Variants in CCDC171 observed in about 807,000 individuals in gnomAD.
CCDC171 encodes coiled-coil domain containing 171.
CCDC171 carries 177 observed loss-of-function variants against 168.2 expected under a neutral mutation model. The ratio of observed to expected loss-of-function variants is 1.05; its 90% confidence interval spans 0.93 to 1.19. The LOEUF is 1.19. Among genes scored for constraint, CCDC171 ranks in the 50% most tolerant of loss-of-function variants. The pLI is 0.00. For missense variants in CCDC171, 1,991 were observed against 1,539.0 expected, an observed-to-expected ratio of 1.29 and a Z score of -4.91; for synonymous variants, 687 against 540.8, an observed-to-expected ratio of 1.27 and a Z score of -3.75.
chr9:15,841,798 C>T (rs1011164060), intron 21 of CCDC171, among the ~76,000 whole-genome samples: 1 of 151,798 alleles, frequency 6.6e-6, no homozygotes, highest in Non-Finnish European at 1.5e-5. Flanking sequence ...TCATTCCTAA[C>T]TTGCTTACCC....
intron 24 of CCDC171, among the ~76,000 whole-genome samples, chr9:15,902,078 G>A (rs1396052992): frequency 6.6e-6 from 1 of 152,062 alleles, no homozygotes; most frequent in African/African-American, 2.4e-5. Flanking sequence ...ATTCTAGCTA[G>A]AAGATATTAA....
At chr9:15,713,670 C>G (rs984433374) in intron 11 of CCDC171, among the ~76,000 whole-genome samples, 3 of 152,040 alleles carry the variant, frequency 2.0e-5, no homozygotes, top group Admixed American at 1.3e-4. Context: ...GGATGACTTA[C>G]TTTGCTTCTA....
chr9:16,067,465 A>G, the CCDC171 span, among the ~76,000 whole-genome samples: 6 of 152,030 alleles, frequency 3.9e-5, no homozygotes, highest in African/African-American at 1.5e-4. Flanking sequence ...TCTTTAGTTT[A>G]ATTAGATCCC....
intron 24 of CCDC171, among the ~76,000 whole-genome samples, chr9:15,912,089 G>A (rs1823745417): frequency 6.6e-6 from 1 of 152,172 alleles, no homozygotes; most frequent in Admixed American, 6.5e-5. Context: ...TGTGAAGGAA[G>A]CCAATGGTGG....
intron 18 of CCDC171, among the ~76,000 whole-genome samples, chr9:15,764,880 C>A (rs2056640814): frequency 6.6e-6 from 1 of 152,092 alleles, no homozygotes; most frequent in African/African-American, 2.4e-5. Flanking sequence ...TGGGACATAA[C>A]TGCTTTGGGG....
chr9:15,656,649 A>G (rs1020024198), intron 7 of CCDC171, among the ~76,000 whole-genome samples: 2 of 152,216 alleles, frequency 1.3e-5, no homozygotes, highest in African/African-American at 4.8e-5. Flanking sequence ...AGCATAATAT[A>G]TGATTCAATT....
In CCDC171 at chr9:15,904,636, A is replaced by G. The variant is rs1477448231; in HGVS notation, c.3601-15634A>G. Among the ~76,000 whole-genome samples the G allele has an allele frequency of 3.9e-5, 6 of 152,324 alleles. No homozygotes were observed. The East Asian group carries it at 5.8e-4, about 15-fold the overall frequency. Reference sequence around the variant, plus strand: ...AACTAACGAGCAAAATAACCAGCTAACATCATAATGTCAGGATCAAATTCA... The same window carrying G: ...AACTAACGAGCAAAATAACCAGCTAGCATCATAATGTCAGGATCAAATTCA... On this transcript the variant is annotated intron_variant, in intron 24 of 25. Coordinates refer to ENST00000380701, the MANE Select transcript of CCDC171 (RefSeq NM_173550.4).
chr9:15,636,074 A>T (rs1432457474), intron 7 of CCDC171, among the ~76,000 whole-genome samples: 1 of 152,130 alleles, frequency 6.6e-6, no homozygotes, highest in Non-Finnish European at 1.5e-5. Flanking sequence ...CTTATTAGGC[A>T]TTCATGTATC....
At chr9:16,013,162 A>G (rs1832918268) in intron 3 of CCDC171, among the ~76,000 whole-genome samples, 1 of 152,116 alleles carries the variant, frequency 6.6e-6, no homozygotes, top group Admixed American at 6.5e-5. Context: ...ATTCAAAACC[A>G]CAGAATAATA....
In CCDC171 at chr9:15,633,911, A is replaced by G. The variant is rs868035197; in HGVS notation, c.822+10498A>G. 5.3e-5 allele frequency among the ~76,000 whole-genome samples: 8 copies of G among 152,306 alleles called. No individual in the cohort carries two copies. The Middle Eastern group carries it at 0.014, about 259-fold the overall frequency. On this transcript the variant is annotated intron_variant, in intron 7 of 25. Transcript: ENST00000380701. ...AAATTGGAAATCATCATTCTCAGTA[A>G]ACTATCGCAAGAACAACAAACGAAA...
intron 25 of CCDC171, among the ~76,000 whole-genome samples, chr9:15,959,640 C>G (rs574702527): frequency 2.6e-5 from 4 of 151,962 alleles, no homozygotes; most frequent in Non-Finnish European, 4.4e-5. Flanking sequence ...AAGTCTAGGC[C>G]TTTTTGAAAC....
chr9:15,593,029 C>A (rs1002508509), intron 5 of CCDC171, among the ~76,000 whole-genome samples: 1 of 151,962 alleles, frequency 6.6e-6, no homozygotes, highest in Non-Finnish European at 1.5e-5. Context: ...CCCACTCCCC[C>A]ACCCCACAAC....
At chr9:15,969,966 AC>A (rs1564087823) in intron 25 of CCDC171, among the ~76,000 whole-genome samples, 2 of 152,222 alleles carry the variant, frequency 1.3e-5, no homozygotes, top group East Asian at 3.8e-4. Flanking sequence ...CCTCATTAAT[AC>A]TACTAATCAG....
At chr9:15,578,535 G>C (rs933799258) in intron 3 of CCDC171, among the ~76,000 whole-genome samples, 39 of 151,200 alleles carry the variant, frequency 2.6e-4, no homozygotes, top group African/African-American at 9.0e-4. Flanking sequence ...CTCTCAAAGT[G>C]CTGGGATTAC....
At position 15,725,112 on chromosome 9, in the gene CCDC171, T is replaced by TACA. The variant is rs1355627638; in HGVS notation, c.1692+138_1692+140dup. On this transcript the variant is annotated intron_variant, in intron 14 of 25. Coordinates refer to ENST00000380701, the MANE Select transcript of CCDC171 (RefSeq NM_173550.4). The stretch of plus-strand genomic sequence containing the variant: ...AGTATTTTGAAATGTTTGTGACAGC[T>TACA]ACAAAATCACTCCATTACTCTTGTG... The TACA allele has an allele frequency of 6.2e-6, 4 of 646,060 alleles. No individual in the cohort carries two copies. The East Asian group carries it at 1.1e-4, about 18-fold the overall frequency. The allele number at this position is 646,060 out of a possible 1,614,324, so 40.0% of individuals were successfully genotyped here.
chr9:15,988,957 C>T (rs2891003), intron 3 of CCDC171, among the ~76,000 whole-genome samples: 50,936 of 152,054 alleles, frequency 0.33, 10,707 homozygotes, highest in East Asian at 0.62. Context: ...GAGCCCACCG[C>T]GGCTCAAGGA....
At position 15,920,759 on chromosome 9, in the gene CCDC171, A is replaced by AC. The variant is rs534990673; in HGVS notation, c.3753+338dup. 6.6e-5 allele frequency among the ~76,000 whole-genome samples: 10 copies of AC among 151,886 alleles called. No homozygotes were observed. In the East Asian group the frequency reaches 1.9e-3, roughly 29 times the overall value. On this transcript the variant is annotated intron_variant, in intron 25 of 25. Transcript: ENST00000380701. ...TGAAGATTCAGTGTGTCCCATTAAG[A>AC]CAGAATATTATTAATTATGCGTATA... is the stretch of plus-strand genomic sequence containing the variant.
At chr9:15,851,917 C>T (rs1247609631) in intron 23 of CCDC171, among the ~76,000 whole-genome samples, 1 of 151,744 alleles carries the variant, frequency 6.6e-6, no homozygotes, top group Non-Finnish European at 1.5e-5. Context: ...ATACGTCATA[C>T]CCTTTTATGG....
At chr9:15,984,890 A>G (rs1831935438) in intron 3 of CCDC171, among the ~76,000 whole-genome samples, 3 of 152,170 alleles carry the variant, frequency 2.0e-5, no homozygotes. Context: ...GCACAAATGG[A>G]TCTACATTTC....
Sources: allele counts gnomAD v4.1 joint callset (sites outside exome capture counted in the v4.1 genomes callset), GRCh38; gene constraint gnomAD v4.1.1; transcripts MANE v1.5; gene names NCBI Gene and HGNC (gene_info 2026-07-23, HGNC 2026-07-21).